SLC6A5: variants seen among roughly 807,000 people sequenced by gnomAD.
The protein encoded by SLC6A5 is sodium- and chloride-dependent glycine transporter 2.
A neutral mutation model predicts 90.5 loss-of-function variants in SLC6A5; 58 were observed. That is an observed-to-expected ratio of 0.64 (90% confidence interval 0.52 to 0.80). SLC6A5 has a LOEUF of 0.80. SLC6A5 is among the 30% of genes least tolerant of loss of function. The pLI, the probability that SLC6A5 is intolerant of heterozygous loss-of-function variation, is 0.00. For missense variants in SLC6A5, 1,015 were observed against 1,017.6 expected (o/e 1.00, Z 0.03); for synonymous variants, 427 against 401.4 (o/e 1.06, Z -0.76).
At chr11:20,633,653 C>T (rs1853147912) in intron 10 of SLC6A5, among the ~76,000 whole-genome samples, 1 of 152,172 alleles carries the variant, frequency 6.6e-6, no homozygotes, top group South Asian at 2.1e-4. Context: ...TTGATCCCTT[C>T]TCATAAGAAG....
intron 8 of SLC6A5, 86 bp downstream of exon 8, chr11:20,626,928 A>T: frequency 1.9e-6 from 2 of 1,053,892 alleles, no homozygotes; most frequent in Non-Finnish European, 1.5e-6. Flanking sequence ...TTCCTCCTCC[A>T]GGGAATCCCA....
intron 6 of SLC6A5, 29 bp downstream of exon 6, chr11:20,614,849 C>T (rs745736872): frequency 2.5e-6 from 4 of 1,588,922 alleles, no homozygotes; most frequent in African/African-American, 1.3e-5. Flanking sequence ...TCCTTTTTTA[C>T]CTTCTAAGAG....
intron 15 of SLC6A5, among the ~76,000 whole-genome samples, chr11:20,653,066 G>A (rs1262815055): frequency 2.6e-5 from 4 of 152,156 alleles, no homozygotes; most frequent in African/African-American, 7.2e-5. Context: ...AATCCCCACT[G>A]TCACTCCTGA....
At chr11:20,606,898 T>A (rs1852592130) in intron 3 of SLC6A5, 109 bp from the exon 4 acceptor site, 2 of 1,381,584 alleles carry the variant, frequency 1.4e-6, no homozygotes, top group Middle Eastern at 1.8e-4. Context: ...TGGAGCTAAA[T>A]TGTCCTTTAG....
At chr11:20,626,889 C>T in intron 8 of SLC6A5, 47 bp downstream of exon 8, 4 of 1,576,534 alleles carry the variant, frequency 2.5e-6, no homozygotes, top group Non-Finnish European at 3.5e-6. Context: ...GAGTGGCCCT[C>T]TGGGAGGCTT....
intron 13 of SLC6A5, among the ~76,000 whole-genome samples, chr11:20,642,228 C>T (rs1853328361): frequency 6.9e-6 from 1 of 144,942 alleles, no homozygotes; most frequent in Non-Finnish European, 1.5e-5. Context: ...AGAGGAACCA[C>T]ACCTGGCCAC....
intron 5 of SLC6A5, among the ~76,000 whole-genome samples, chr11:20,614,124 G>A (rs1852741934): frequency 6.6e-6 from 1 of 152,164 alleles, no homozygotes; most frequent in Non-Finnish European, 1.5e-5. Context: ...CTTACTAAAT[G>A]TGGTGCCAGG....
rs1853640280 is a variant in SLC6A5 at position 20,656,650 on chromosome 11, T to C, written c.*1782T>C. 6.6e-6 allele frequency: 1 copy of C among 152,226 alleles called. No homozygotes were observed. The allele number at this position is 152,226 out of a possible 1,614,324, so 9.4% of individuals were successfully genotyped here. A position where few individuals can be genotyped will look rare whatever the true frequency, so the allele number is the denominator to read the frequency against. On this transcript the variant is annotated 3_prime_UTR_variant, in exon 16 of 16. Coordinates refer to ENST00000525748, the MANE Select transcript of SLC6A5 (RefSeq NM_004211.5). ...TTTAAGAGTAGCTTGTGAAAGGTTTTAGAAAAGGAAACAAAGATGGGTTTT... is the reference window on the plus strand; with the variant it reads ...TTTAAGAGTAGCTTGTGAAAGGTTTCAGAAAAGGAAACAAAGATGGGTTTT...
chr11:20,612,915 G>T (rs753975556), intron 5 of SLC6A5, among the ~76,000 whole-genome samples: 2 of 152,178 alleles, frequency 1.3e-5, no homozygotes, highest in Non-Finnish European at 2.9e-5. Flanking sequence ...TAGATTTTCT[G>T]CATCTTTTGC....
intron 13 of SLC6A5, among the ~76,000 whole-genome samples, chr11:20,641,536 TGAA>T: frequency 6.6e-6 from 1 of 152,256 alleles, no homozygotes; most frequent in South Asian, 2.1e-4. Flanking sequence ...ACTGTACCCC[TGAA>T]ATCTGCAAAT....
At chr11:20,627,736 G>A (rs2133799720) in intron 8 of SLC6A5, among the ~76,000 whole-genome samples, 1 of 152,290 alleles carries the variant, frequency 6.6e-6, no homozygotes, top group East Asian at 1.9e-4. Context: ...ATATGAGCAT[G>A]GTATGTAGTG....
intron 8 of SLC6A5, among the ~76,000 whole-genome samples, chr11:20,627,679 A>C (rs952495180): frequency 6.6e-6 from 1 of 152,176 alleles, no homozygotes; most frequent in Non-Finnish European, 1.5e-5. Context: ...GAGTGTATTG[A>C]CCTAAAGGAA....
chr11:20,638,647 C>T (rs757355989), intron 13 of SLC6A5, 89 bp downstream of exon 13: 2 of 816,404 alleles, frequency 2.4e-6, no homozygotes, highest in Non-Finnish European at 2.2e-6. Flanking sequence ...CTTAATAAGA[C>T]AATACAGGGC....
Position 20,607,076 on chromosome 11 carries a change from C to G in SLC6A5, c.749C>G (p.Ser250Trp). Residue 250 changes from serine (S) to tryptophan (W), a missense_variant, in exon 4 of 16, where the codon TCG becomes TGG. Coordinates refer to ENST00000525748, the MANE Select transcript of SLC6A5 (RefSeq NM_004211.5). ...TTACCCATCTTCTTCTTGGAGGTGT[C>G]GCTGGGCCAGTTTGCCAGCCAGGGA... The part of the protein sequence containing the change: ...AGLPIFFLEV[S>W]LGQFASQGPV... 6.2e-7 allele frequency: 1 copy of G among 1,614,046 alleles called. No homozygotes were observed. The highest frequency in any genetic ancestry group is 8.5e-7 in the Non-Finnish European group (1 of 1,180,026).
rs999973709 is a variant in SLC6A5, at chr11:20,626,157, A to G, written c.1261-551A>G. ...TCCTTGATTTACAGATACTGAAACT[A>G]AGATTCAGAGAGCTTAATAAATGTC... On this transcript the variant is annotated intron_variant, in intron 7 of 15. Transcript: ENST00000525748. Among the ~76,000 whole-genome samples the G allele has an allele frequency of 2.0e-5, 3 of 152,232 alleles. No individual in the cohort carries two copies. In the East Asian group the frequency reaches 5.8e-4, roughly 29 times the overall value.
chr11:20,601,645 G>A lies in SLC6A5; in HGVS notation c.520G>A (p.Val174Met), dbSNP rs768896174. ...AATCACGTCCGTGCTCCCGGGCAGC[G>A]TGGCCACCGTTGCCACCCAGGTAAG... Reference protein sequence around the residue: ...DGITSVLPGSVATVATQEDEQ... With the variant: ...DGITSVLPGSMATVATQEDEQ... Residue 174 changes from valine to methionine, a missense_variant, in exon 2 of 16, where the codon GTG (valine) becomes ATG (methionine). Around this residue, in one of 3 missense-constraint regions of SLC6A5, gnomAD observed 567 missense variants for 507.3 expected, o/e 1.12. Coordinates refer to ENST00000525748, the MANE Select transcript of SLC6A5 (RefSeq NM_004211.5). The A allele has an allele frequency of 1.1e-5, 18 of 1,613,884 alleles. No homozygotes were observed. The highest frequency in any genetic ancestry group is 1.4e-5 in the Non-Finnish European group (17 of 1,179,952).
At chr11:20,651,265 C>T (rs1409472122) in intron 14 of SLC6A5, among the ~76,000 whole-genome samples, 1 of 136,374 alleles carries the variant, frequency 7.3e-6, no homozygotes, top group Non-Finnish European at 1.6e-5. Context: ...CTCTCCCCCA[C>T]CCCTCCTATG....
At chr11:20,647,152 A>C (rs1049594695) in intron 14 of SLC6A5, among the ~76,000 whole-genome samples, 1 of 150,698 alleles carries the variant, frequency 6.6e-6, no homozygotes, top group Non-Finnish European at 1.5e-5. Context: ...CAGAGCTAGG[A>C]CTCATGCAAA....
intron 9 of SLC6A5, among the ~76,000 whole-genome samples, chr11:20,628,570 GT>G: frequency 6.6e-6 from 1 of 152,162 alleles, no homozygotes; most frequent in Non-Finnish European, 1.5e-5. Context: ...ATACAGTCAC[GT>G]TATGAGATGC....
Sources: gnomAD v4.1 joint callset for allele counts (sites outside exome capture counted in the v4.1 genomes callset) on GRCh38, gnomAD v4.1.1 for gene constraint, gnomAD v4.1.1 regional missense constraint, MANE v1.5 for transcripts, NCBI Gene and HGNC (gene_info 2026-07-23, HGNC 2026-07-21) for gene names.